Variants in HS2ST1 observed in about 807,000 individuals in gnomAD.
HS2ST1 encodes the protein heparan sulfate 2-O-sulfotransferase 1, also known as 2-O-sulfotransferase.
Under a neutral mutation model 42.9 loss-of-function variants are expected in HS2ST1, and 18 were observed. The ratio of observed to expected loss-of-function variants is 0.42; its 90% CI spans 0.29 to 0.62. HS2ST1 has a LOEUF of 0.62. HS2ST1 is among the 20% of genes least tolerant of loss of function. HS2ST1 has a pLI of 0.21. For synonymous variants in HS2ST1, 146 were observed against 152.9 expected, an observed-to-expected ratio of 0.95 and a Z score of 0.33; for missense variants, 334 against 433.8, an observed-to-expected ratio of 0.77 and a Z score of 2.04.
chr1:87,030,952 C>T (rs1416285901), intron 1 of HS2ST1, among the ~76,000 whole-genome samples: 2 of 151,980 alleles, frequency 1.3e-5, no homozygotes, highest in African/African-American at 4.8e-5. Context: ...TTTTGTGTTT[C>T]GTTTTGAGAT....
At chr1:86,933,644 T>C (rs1660586311) in intron 1 of HS2ST1, among the ~76,000 whole-genome samples, 1 of 152,100 alleles carries the variant, frequency 6.6e-6, no homozygotes. Context: ...CATATATGAG[T>C]CTGGTTTTGA....
At chr1:87,093,731 A>G (rs1485688576) in intron 4 of HS2ST1, among the ~76,000 whole-genome samples, 1 of 152,110 alleles carries the variant, frequency 6.6e-6, no homozygotes, top group South Asian at 2.1e-4. Context: ...GCACATTTTA[A>G]ACCTAAACTA....
intron 1 of HS2ST1, among the ~76,000 whole-genome samples, chr1:87,060,568 G>C (rs560140952): frequency 1.3e-5 from 2 of 152,184 alleles, no homozygotes; most frequent in East Asian, 3.9e-4. Flanking sequence ...ATGATATGAT[G>C]TATATAAACC....
intron 1 of HS2ST1, among the ~76,000 whole-genome samples, chr1:87,007,491 G>C (rs955036633): frequency 1.3e-5 from 2 of 152,094 alleles, no homozygotes; most frequent in Non-Finnish European, 2.9e-5. Flanking sequence ...AGCACTGTGA[G>C]AGCATTATAT....
At chr1:86,930,882 G>A (rs2102164139) in intron 1 of HS2ST1, among the ~76,000 whole-genome samples, 1 of 152,124 alleles carries the variant, frequency 6.6e-6, no homozygotes. Context: ...AGATGAGGCA[G>A]AGAGGTGAAG....
intron 1 of HS2ST1, among the ~76,000 whole-genome samples, chr1:86,968,681 A>G (rs557901202): frequency 3.3e-5 from 5 of 152,118 alleles, no homozygotes; most frequent in Non-Finnish European, 7.3e-5. Flanking sequence ...GGTGGATTAC[A>G]GGCATGAGCC....
rs535062120 is a variant in HS2ST1, at chr1:87,088,143, TCTC to T, written c.449+3867_449+3869del. Among the ~76,000 whole-genome samples the T allele has an allele frequency of 2.0e-3, 297 of 152,198 alleles. 2 individuals carry two copies. The highest frequency in any genetic ancestry group is 2.7e-3 in the Non-Finnish European group (182 of 67,960). Reference sequence around the variant, plus strand: ...ATTGTCTTAACTGGTGTTTTCTTCTTCTCCTTGTCTGAATCTCTGCTGGTCCTT... The same window carrying T: ...ATTGTCTTAACTGGTGTTTTCTTCTTCTTGTCTGAATCTCTGCTGGTCCTT... On this transcript the variant is annotated intron_variant, in intron 3 of 6. Coordinates refer to ENST00000370550, the MANE Select transcript of HS2ST1 (RefSeq NM_012262.4).
At chr1:87,047,212 G>A (rs963800152) in intron 1 of HS2ST1, among the ~76,000 whole-genome samples, 2 of 152,010 alleles carry the variant, frequency 1.3e-5, no homozygotes, top group African/African-American at 4.8e-5. Flanking sequence ...AATGACAAAC[G>A]TCTTTCATCT....
intron 2 of HS2ST1, among the ~76,000 whole-genome samples, chr1:87,082,704 G>A (rs1651723932): frequency 6.6e-6 from 1 of 152,116 alleles, no homozygotes; most frequent in Non-Finnish European, 1.5e-5. Context: ...TAAAGATGCA[G>A]GCTCTGGATT....
intron 1 of HS2ST1, among the ~76,000 whole-genome samples, chr1:87,017,169 C>T (rs1649783494): frequency 6.6e-6 from 1 of 152,166 alleles, no homozygotes; most frequent in African/African-American, 2.4e-5. Context: ...CGGAATCTCA[C>T]TCTGTCACCC....
At chr1:86,996,706 C>G (rs940635307) in intron 1 of HS2ST1, among the ~76,000 whole-genome samples, 2 of 152,082 alleles carry the variant, frequency 1.3e-5, no homozygotes, top group Non-Finnish European at 2.9e-5. Context: ...CAAAAAGAGA[C>G]AGCAGAATTG....
intron 1 of HS2ST1, chr1:87,046,069 G>A: frequency 3.0e-6 from 2 of 664,726 alleles, no homozygotes; most frequent in South Asian, 2.7e-5. Context: ...TACCATGACA[G>A]CATCATGAAC....
chr1:86,916,233 A>T (rs1379973442), intron 1 of HS2ST1, among the ~76,000 whole-genome samples: 1 of 152,196 alleles, frequency 6.6e-6, no homozygotes, highest in Non-Finnish European at 1.5e-5. Context: ...GCTCAAGAGG[A>T]TGTAATTTGA....
At chr1:86,954,876 C>G (rs1315939202) in intron 1 of HS2ST1, among the ~76,000 whole-genome samples, 1 of 151,890 alleles carries the variant, frequency 6.6e-6, no homozygotes, top group East Asian at 1.9e-4. Context: ...GTCTGAAATC[C>G]ACTTGAGCCC....
intron 1 of HS2ST1, among the ~76,000 whole-genome samples, chr1:87,062,681 CT>C (rs1651146415): frequency 6.6e-6 from 1 of 151,860 alleles, no homozygotes; most frequent in Non-Finnish European, 1.5e-5. Context: ...TTATCTTTTC[CT>C]TTTTGTTTAT....
intron 3 of HS2ST1, among the ~76,000 whole-genome samples, chr1:87,084,851 A>C (rs1651781116): frequency 7.1e-6 from 1 of 141,410 alleles, no homozygotes; most frequent in African/African-American, 2.7e-5. Context: ...TCACTCACTC[A>C]CTCACTCACT....
intron 1 of HS2ST1, among the ~76,000 whole-genome samples, chr1:86,969,580 A>T (rs927837003): frequency 2.6e-5 from 4 of 152,202 alleles, no homozygotes; most frequent in Non-Finnish European, 5.9e-5. Context: ...TGAAACTTAG[A>T]ATTATGATCA....
rs547848789 is a variant in HS2ST1 at position 86,919,813 on chromosome 1, A to G, written c.124+4653A>G. On this transcript the variant is annotated intron_variant, in intron 1 of 6. Coordinates refer to ENST00000370550, the MANE Select transcript of HS2ST1 (RefSeq NM_012262.4). ...GCAGATTGTGAGTTAAATTTAGGAGATAAGCTTATTACCTGTGAAAAAGAG... is the reference window on the plus strand; with the variant it reads ...GCAGATTGTGAGTTAAATTTAGGAGGTAAGCTTATTACCTGTGAAAAAGAG... Among the ~76,000 whole-genome samples, 294 of 152,254 alleles carry G rather than the reference A, an allele frequency of 1.9e-3. 1 individual carries two copies. The highest frequency in any genetic ancestry group is 6.7e-3 in the African/African-American group (279 of 41,552).
intron 1 of HS2ST1, among the ~76,000 whole-genome samples, chr1:86,959,348 G>C (rs994841600): frequency 6.6e-6 from 1 of 152,172 alleles, no homozygotes; most frequent in Non-Finnish European, 1.5e-5. Context: ...AATCACAAGT[G>C]CTCTGGAACT....
Sources: allele counts gnomAD v4.1 joint callset (sites outside exome capture counted in the v4.1 genomes callset), GRCh38; gene constraint gnomAD v4.1.1; transcripts MANE v1.5; gene names NCBI Gene and HGNC (gene_info 2026-07-23, HGNC 2026-07-21).